Variants in MS4A5 observed in about 807,000 individuals in gnomAD.
MS4A5 encodes the protein membrane-spanning 4-domains subfamily A member 5.
A neutral mutation model predicts 18.2 loss-of-function variants in MS4A5; 15 were observed. The observed-to-expected ratio is 0.83, with a 90% confidence interval of 0.55 to 1.27. The LOEUF (loss-of-function observed/expected upper bound fraction) is 1.27, where lower values mean the gene tolerates loss of function less well. MS4A5 is among the 50% of genes most tolerant of loss of function. MS4A5 has a pLI of 0.00. For missense variants in MS4A5, 232 were observed against 225.7 expected, an observed-to-expected ratio of 1.03 and a Z score of -0.18; for synonymous variants, 89 against 78.7, an observed-to-expected ratio of 1.13 and a Z score of -0.69.
chr11:60,429,904 T>C, intron 1 of MS4A5, 77 bp downstream of exon 1: 1 of 1,382,564 alleles, frequency 7.2e-7, no homozygotes, highest in Non-Finnish European at 9.9e-7. Context: ...GGCACATGTT[T>C]GAAGGTAGGA....
intron 4 of MS4A5, among the ~76,000 whole-genome samples, chr11:60,446,477 G>A (rs555558415): frequency 2.6e-5 from 4 of 152,300 alleles, no homozygotes; most frequent in Non-Finnish European, 4.4e-5. Context: ...GGTGGCTCAT[G>A]CCTGTAATCC....
chr11:60,432,115 C>T (rs1203487966), intron 2 of MS4A5, among the ~76,000 whole-genome samples: 1 of 152,142 alleles, frequency 6.6e-6, no homozygotes, highest in Non-Finnish European at 1.5e-5. Flanking sequence ...GAGATCAAAG[C>T]TGAGTCCACA....
rs376652555 is a variant in MS4A5 at position 60,434,412 on chromosome 11, C to T, written c.492+495C>T. ...CCACATGGAGAGAAAAAGAGAGTTA[C>T]CAAACACACACAAAAATTGCTGAGG... On this transcript the variant is annotated intron_variant, in intron 4 of 4. Coordinates refer to ENST00000300190, the MANE Select transcript of MS4A5 (RefSeq NM_023945.3). Among the ~76,000 whole-genome samples, 11 of 152,230 alleles carry T rather than the reference C, an allele frequency of 7.2e-5. No individual in the cohort carries two copies. In the East Asian group the frequency reaches 1.7e-3, roughly 24 times the overall value.
intron 4 of MS4A5, among the ~76,000 whole-genome samples, chr11:60,435,759 C>T (rs1380983874): frequency 2.4e-4 from 37 of 152,212 alleles, no homozygotes; most frequent in African/African-American, 7.2e-4. Context: ...GATTATATCC[C>T]GCACCTGGCT....
intron 4 of MS4A5, among the ~76,000 whole-genome samples, chr11:60,445,565 A>G (rs924530031): frequency 6.6e-6 from 1 of 152,184 alleles, no homozygotes; most frequent in Non-Finnish European, 1.5e-5. Context: ...CAGCCAAAAT[A>G]CACTTCTTTA....
chr11:60,442,633 A>G (rs2086119404), intron 4 of MS4A5, among the ~76,000 whole-genome samples: 1 of 152,200 alleles, frequency 6.6e-6, no homozygotes, highest in Non-Finnish European at 1.5e-5. Flanking sequence ...CTGCACATGT[A>G]TCCCAGAACT....
chr11:60,433,183 G>A (rs1297938483), intron 3 of MS4A5, among the ~76,000 whole-genome samples: 1 of 152,070 alleles, frequency 6.6e-6, no homozygotes, highest in Non-Finnish European at 1.5e-5. Flanking sequence ...TGACTCATAC[G>A]AAAGGCAAAC....
At chr11:60,433,172 T>G (rs986449999) in intron 3 of MS4A5, among the ~76,000 whole-genome samples, 1 of 152,204 alleles carries the variant, frequency 6.6e-6, no homozygotes, top group Admixed American at 6.5e-5. Flanking sequence ...AGGCACTACT[T>G]TGACTCATAC....
chr11:60,430,727 A>G, intron 1 of MS4A5, 69 bp from the exon 2 acceptor site: 11 of 1,563,714 alleles, frequency 7.0e-6, no homozygotes, highest in Non-Finnish European at 9.5e-6. Flanking sequence ...GACCAAAAGA[A>G]GATATTCTAA....
Position 60,433,886 on chromosome 11 carries a change from G to A in MS4A5, c.461G>A (p.Ser154Asn), listed in dbSNP as rs1392160771. ...NYICGYSHQN[S>N]QCKAVTVLFL... Reference sequence around the variant, plus strand: ...ATTTGTGGTTATTCTCACCAAAATAGTCAGTGTAAGGCTGTTACTGTCCTG... The same window carrying A: ...ATTTGTGGTTATTCTCACCAAAATAATCAGTGTAAGGCTGTTACTGTCCTG... The change falls in exon 4 of 5, where the codon AGT becomes AAT. Residue 154 changes from serine (S) to asparagine (N), a missense_variant. Physicochemically the swap from Ser to Asn is conservative, Grantham distance 46. Transcript: ENST00000300190. The A allele has an allele frequency of 6.2e-7, 1 of 1,614,034 alleles. No individual in the cohort carries two copies. Among genetic ancestry groups the A allele is most frequent in the South Asian group, 1.1e-5 (1 of 91,076 alleles).
intron 1 of MS4A5, among the ~76,000 whole-genome samples, chr11:60,430,029 T>C (rs2086039876): frequency 6.6e-6 from 1 of 152,160 alleles, no homozygotes; most frequent in South Asian, 2.1e-4. Flanking sequence ...AAAAATGCTA[T>C]CATTTAGGAC....
chr11:60,447,712 A>AT lies in MS4A5; in HGVS notation c.560dup (p.Leu187PhefsTer9). The AT allele has an allele frequency of 1.9e-6, 3 of 1,601,434 alleles. No individual in the cohort carries two copies. The highest frequency in any genetic ancestry group is 2.5e-6 in the Non-Finnish European group (3 of 1,176,970). On this transcript the variant is annotated frameshift_variant, in exon 5 of 5. Coordinates refer to ENST00000300190, the MANE Select transcript of MS4A5 (RefSeq NM_023945.3). LOFTEE classifies it low-confidence loss of function (END_TRUNC). The stretch of plus-strand genomic sequence containing the variant: ...ATTATTCATTTCTCTGCCTTTCTCA[A>AT]TTTTGGGGTGCCACTCAGAGGATTG...
At chr11:60,438,073 C>A (rs1311818960) in intron 4 of MS4A5, among the ~76,000 whole-genome samples, 2 of 152,098 alleles carry the variant, frequency 1.3e-5, no homozygotes, top group African/African-American at 4.8e-5. Flanking sequence ...AACAAACTAT[C>A]TCTCAGACCA....
At chr11:60,444,524 C>G (rs1399488670) in intron 4 of MS4A5, among the ~76,000 whole-genome samples, 1 of 152,082 alleles carries the variant, frequency 6.6e-6, no homozygotes, top group Non-Finnish European at 1.5e-5. Context: ...ATATATCTCT[C>G]TCTCACAAAA....
At chr11:60,431,012 G>A (rs2135170029) in intron 2 of MS4A5, 88 bp downstream of exon 2, 1 of 1,458,644 alleles carries the variant, frequency 6.9e-7, no homozygotes, top group African/African-American at 1.4e-5. Context: ...AGATCCAGTT[G>A]TATGACATGC....
At chr11:60,446,395 A>C (rs982111820) in intron 4 of MS4A5, among the ~76,000 whole-genome samples, 2 of 152,188 alleles carry the variant, frequency 1.3e-5, no homozygotes, top group African/African-American at 4.8e-5. Context: ...TTGTGCTCAT[A>C]GTTGCCAAAA....
intron 4 of MS4A5, among the ~76,000 whole-genome samples, chr11:60,436,689 G>A (rs1263064672): frequency 7.5e-6 from 1 of 134,150 alleles, no homozygotes; most frequent in Non-Finnish European, 1.7e-5. Context: ...AAGATGAAAT[G>A]AATGAAATGA....
At position 60,437,612 on chromosome 11, in the gene MS4A5, G is replaced by A. The variant is rs1209529226; in HGVS notation, c.492+3695G>A. Among the ~76,000 whole-genome samples, 9 of 151,192 alleles carry A rather than the reference G, an allele frequency of 6.0e-5. No homozygotes were observed. The South Asian group carries it at 1.9e-3, about 32-fold the overall frequency. On this transcript the variant is annotated intron_variant, in intron 4 of 4. Coordinates refer to ENST00000300190, the MANE Select transcript of MS4A5 (RefSeq NM_023945.3). The stretch of plus-strand genomic sequence containing the variant: ...GCAAATGGAAAACAAAAAAAGGCAG[G>A]GGTTGCAATCCTAGTCTCTGATAAA...
intron 4 of MS4A5, among the ~76,000 whole-genome samples, chr11:60,443,417 A>G (rs2086123883): frequency 6.6e-6 from 1 of 152,128 alleles, no homozygotes; most frequent in South Asian, 2.1e-4. Flanking sequence ...ACATAAAAAA[A>G]TTAAAAACAA....
Sources: allele counts gnomAD v4.1 joint callset (sites outside exome capture counted in the v4.1 genomes callset), GRCh38; gene constraint gnomAD v4.1.1; transcripts MANE v1.5; gene names NCBI Gene and HGNC (gene_info 2026-07-23, HGNC 2026-07-21).